Variants in POLI observed in about 807,000 individuals in gnomAD.
POLI encodes the protein DNA polymerase iota.
POLI carries 58 observed loss-of-function variants against 51.6 expected under a neutral mutation model. The ratio of observed to expected loss-of-function variants is 1.12; its 90% CI spans 0.91 to 1.40. POLI has a LOEUF of 1.40. POLI is among the 40% of genes most tolerant of loss of function. POLI has a pLI of 0.00. For synonymous variants in POLI, 322 were observed against 299.7 expected (o/e 1.07, Z -0.77); for missense variants, 921 against 871.3 (o/e 1.06, Z -0.72).
At chr18:54,273,630 TTAA>T (rs2087107466) in intron 2 of POLI, among the ~76,000 whole-genome samples, 2 of 152,048 alleles carry the variant, frequency 1.3e-5, no homozygotes, top group Non-Finnish European at 1.5e-5. Context: ...GTTTTGTTAT[TTAA>T]TAATAACTTT....
At chr18:54,312,608 CA>C (rs2088683062) in intron 3 of POLI, among the ~76,000 whole-genome samples, 1 of 152,164 alleles carries the variant, frequency 6.6e-6, no homozygotes, top group African/African-American at 2.4e-5. Context: ...TCTGTAGCCT[CA>C]CCAGCACCTG....
downstream of POLI, among the ~76,000 whole-genome samples, chr18:54,300,230 A>G (rs1002435901): frequency 6.6e-6 from 1 of 152,102 alleles, no homozygotes; most frequent in Admixed American, 6.5e-5. Context: ...TATAAAACAA[A>G]AATAAAAATT....
At chr18:54,321,000 T>C (rs1219128922) in intron 4 of POLI, 1 of 152,190 alleles carries the variant, frequency 6.6e-6, no homozygotes, top group Non-Finnish European at 1.5e-5. Context: ...ATTTAGATAC[T>C]ACCAGTTTTA....
intron 1 of POLI, chr18:54,270,094 C>G: frequency 1.1e-6 from 1 of 950,724 alleles, no homozygotes; most frequent in South Asian, 4.8e-5. Context: ...GGAGTCAGGT[C>G]CGCTGTGGTC....
intron 3 of POLI, among the ~76,000 whole-genome samples, chr18:54,316,356 C>A (rs535927995): frequency 8.2e-4 from 125 of 152,128 alleles, no homozygotes; most frequent in African/African-American, 2.9e-3. Flanking sequence ...ATCTCATAAG[C>A]TTTTCTTGTG....
At chr18:54,303,645 C>T (rs993799339) in intron 3 of POLI, among the ~76,000 whole-genome samples, 1 of 152,098 alleles carries the variant, frequency 6.6e-6, no homozygotes, top group Non-Finnish European at 1.5e-5. Context: ...CTTGCTTCTG[C>T]TGGCACTTGG....
At chr18:54,292,469 A>T (rs2088069365) in intron 9 of POLI, among the ~76,000 whole-genome samples, 1 of 152,040 alleles carries the variant, frequency 6.6e-6, no homozygotes, top group African/African-American at 2.4e-5. Flanking sequence ...ATAGTATTGA[A>T]TTTTGATAGC....
intron 3 of POLI, among the ~76,000 whole-genome samples, chr18:54,312,601 G>A (rs952368311): frequency 6.6e-6 from 1 of 152,060 alleles, no homozygotes; most frequent in South Asian, 2.1e-4. Context: ...CCTTTTCTCT[G>A]TAGCCTCACC....
At chr18:54,280,133 C>G (rs2087431823) in intron 4 of POLI, among the ~76,000 whole-genome samples, 1 of 152,122 alleles carries the variant, frequency 6.6e-6, no homozygotes, top group African/African-American at 2.4e-5. Flanking sequence ...ATCTCTTAGT[C>G]CATTTAGTGT....
intron 2 of POLI, among the ~76,000 whole-genome samples, chr18:54,272,615 G>T (rs535028203): frequency 6.6e-6 from 1 of 151,632 alleles, no homozygotes; most frequent in East Asian, 1.9e-4. Context: ...GGGACTAGAG[G>T]TGTGCGCCAC....
Position 54,296,440 on chromosome 18 carries a change from T to G in POLI, c.*1973T>G. 8.2e-6 allele frequency: 7 copies of G among 852,408 alleles called. No homozygotes were observed. Among genetic ancestry groups the G allele is most frequent in the Non-Finnish European group, 8.5e-6 (6 of 708,558 alleles). 52.8% of individuals were successfully genotyped at this position (852,408 alleles called of 1,614,324 possible). A position where few individuals can be genotyped will look rare whatever the true frequency, so the allele number is the denominator to read the frequency against. On this transcript the variant is annotated 3_prime_UTR_variant, in exon 10 of 10. Coordinates refer to ENST00000579534, the MANE Select transcript of POLI (RefSeq NM_007195.3). ...TTCTCTGTTTTTAAGATTATCTCTT[T>G]TTTCTTTGGTGCTTTGCAGGTTTAC...
At chr18:54,284,698 C>T (rs1180899377) in intron 7 of POLI, 1 of 152,372 alleles carries the variant, frequency 6.6e-6, no homozygotes, top group Non-Finnish European at 1.5e-5. Context: ...GAAAGAATGG[C>T]TAGCTGGCGC....
chr18:54,311,098 T>A, intron 3 of POLI: 3 of 984,792 alleles, frequency 3.0e-6, no homozygotes, highest in Non-Finnish European at 3.6e-6. Flanking sequence ...GAACTATGAA[T>A]TGAAGAAAGT....
Position 54,294,052 on chromosome 18 carries a change from G to C in POLI, c.1808G>C (p.Gly603Ala), listed in dbSNP as rs1194737015. ...TCCTCTGTATCTCCTTGTGAACCGG[G>C]AACATCAGGCTTTAATAGCAGTAGT... ...QVSSVSPCEP[G>A]TSGFNSSSSS... is the part of the protein sequence containing the mutation. The change falls in exon 10 of 10, where the codon GGA becomes GCA. Residue 603 changes from glycine to alanine, a missense_variant. Gly to Ala is a moderately conservative substitution (Grantham distance 60, BLOSUM62 0). Coordinates refer to ENST00000579534, the MANE Select transcript of POLI (RefSeq NM_007195.3). 6 of 1,613,076 alleles carry C rather than the reference G, an allele frequency of 3.7e-6. No homozygotes were observed. The highest frequency in any genetic ancestry group is 2.2e-5 in the East Asian group (1 of 44,864).
At chr18:54,310,222 C>T (rs998592434) in intron 3 of POLI, among the ~76,000 whole-genome samples, 2 of 152,146 alleles carry the variant, frequency 1.3e-5, no homozygotes, top group African/African-American at 2.4e-5. Flanking sequence ...CATCTTGTAG[C>T]GGACCCCTGT....
At chr18:54,283,347 A>G (rs905338899) in intron 6 of POLI, among the ~76,000 whole-genome samples, 1 of 152,170 alleles carries the variant, frequency 6.6e-6, no homozygotes, top group African/African-American at 2.4e-5. Flanking sequence ...CAAATGGGAA[A>G]GGTATAATCA....
rs370490943 is a variant in POLI, at chr18:54,307,719, A to G, written c.334-12554A>G. ...TCCCATTATTATTGTGTGGGAGTCTAAGTCTCTTTGTAGATCACTAAGGAC... is the reference window on the plus strand; with the variant it reads ...TCCCATTATTATTGTGTGGGAGTCTGAGTCTCTTTGTAGATCACTAAGGAC... On this transcript the variant is annotated intron_variant, in intron 3 of 4. Transcript: ENST00000579823. 1.5e-3 allele frequency among the ~76,000 whole-genome samples: 233 copies of G among 152,258 alleles called. 2 individuals are homozygous for G. In the Middle Eastern group the frequency reaches 0.017, roughly 11 times the overall value.
At position 54,298,025 on chromosome 18, in the gene POLI, A is replaced by G. The variant is rs1418698621; in HGVS notation, c.*3558A>G. 1 of 968,682 alleles carries G rather than the reference A, an allele frequency of 1.0e-6. No homozygotes were observed. The highest frequency in any genetic ancestry group is 1.2e-6 in the Non-Finnish European group (1 of 814,792). The allele number at this position is 968,682 out of a possible 1,614,324, so 60.0% of individuals were successfully genotyped here. On this transcript the variant is annotated 3_prime_UTR_variant, in exon 10 of 10. Transcript: ENST00000579534. ...TTTGGAGATACGCAGTTTTTATTAT[A>G]TGTCTAGCTATAGATTTATCATGGA...
chr18:54,269,976 C>T, intron 1 of POLI: 2 of 1,114,356 alleles, frequency 1.8e-6, no homozygotes, highest in Non-Finnish European at 2.2e-6. Flanking sequence ...ACTGCAGAGG[C>T]TTCTGGGCCT....
Sources: gnomAD v4.1 joint callset for allele counts (sites outside exome capture counted in the v4.1 genomes callset) on GRCh38, gnomAD v4.1.1 for gene constraint, MANE v1.5 for transcripts, NCBI Gene and HGNC (gene_info 2026-07-23, HGNC 2026-07-21) for gene names.